JAKMIP2: variants seen among roughly 807,000 people sequenced by gnomAD.
JAKMIP2 encodes janus kinase and microtubule interacting protein 2.
Under a neutral mutation model 115.0 loss-of-function variants are expected in JAKMIP2, and 25 were observed. The ratio of observed to expected loss-of-function variants is 0.22; its 90% CI spans 0.16 to 0.30. The LOEUF (loss-of-function observed/expected upper bound fraction) is 0.30. JAKMIP2 is among the 10% of genes least tolerant of loss of function. JAKMIP2 has a pLI of 1.00. For synonymous variants in JAKMIP2, 334 were observed against 343.6 expected, an observed-to-expected ratio of 0.97 and a Z score of 0.31; for missense variants, 642 against 957.6, an observed-to-expected ratio of 0.67 and a Z score of 4.35.
Position 147,661,117 on chromosome 5 carries a change from A to G in JAKMIP2, c.458T>C (p.Leu153Ser), listed in dbSNP as rs770203335. 3.1e-6 allele frequency: 5 copies of G among 1,613,892 alleles called. No homozygotes were observed. The South Asian group carries it at 5.5e-5, about 18-fold the overall frequency. Residue 153 changes from leucine (L) to serine (S), a missense_variant, in exon 3 of 22, where the codon TTA becomes TCA. This residue lies in a region of JAKMIP2 where 439 missense variants were observed against 570.9 expected (regional missense o/e 0.77). Coordinates refer to ENST00000616793, the MANE Select transcript of JAKMIP2 (RefSeq NM_001270941.2). ...CGTTTTCAGGTCCGCAATTTCCTGT[A>G]AGAGCTTAAGGCGCTCTGTGTCAAA... is the stretch of plus-strand genomic sequence containing the variant. ...KLFDTERLKL[L>S]QEIADLKTAK... is the part of the protein sequence containing the mutation.
intron 1 of JAKMIP2, among the ~76,000 whole-genome samples, chr5:147,689,072 T>C (rs951191119): frequency 6.6e-6 from 1 of 152,116 alleles, no homozygotes; most frequent in Non-Finnish European, 1.5e-5. Context: ...AGTTGCTATT[T>C]GATTAAAGGC....
At chr5:147,689,186 G>A (rs1341646162) in intron 1 of JAKMIP2, among the ~76,000 whole-genome samples, 1 of 152,152 alleles carries the variant, frequency 6.6e-6, no homozygotes, top group African/African-American at 2.4e-5. Flanking sequence ...GAGCCGGGGA[G>A]GCTGGAGGAA....
intron 21 of JAKMIP2, among the ~76,000 whole-genome samples, chr5:147,593,387 G>T (rs569568660): frequency 4.7e-4 from 72 of 152,238 alleles, no homozygotes; most frequent in African/African-American, 1.7e-3. Flanking sequence ...ATCAAGTGTT[G>T]GTCAACAGTA....
At chr5:147,708,055 TC>T (rs1316729739) in intron 1 of JAKMIP2, among the ~76,000 whole-genome samples, 1 of 152,178 alleles carries the variant, frequency 6.6e-6, no homozygotes. Context: ...CTAAAAGATA[TC>T]CTTAGGAGAC....
At chr5:147,633,133 T>C (rs1328382844) in intron 12 of JAKMIP2, among the ~76,000 whole-genome samples, 1 of 152,232 alleles carries the variant, frequency 6.6e-6, no homozygotes, top group African/African-American at 2.4e-5. Flanking sequence ...CTGATACTTC[T>C]CATTTCTCGA....
chr5:147,652,893 G>T (rs541579682), intron 3 of JAKMIP2, among the ~76,000 whole-genome samples: 1 of 152,062 alleles, frequency 6.6e-6, no homozygotes, highest in African/African-American at 2.4e-5. Context: ...AGTGTGTGAT[G>T]TTCCCCTCCC....
In JAKMIP2 at chr5:147,703,544, A is replaced by G. The variant is rs990255404; in HGVS notation, c.-148-31590T>C. 4.6e-5 allele frequency among the ~76,000 whole-genome samples: 7 copies of G among 152,024 alleles called. No individual in the cohort carries two copies. The South Asian group carries it at 1.0e-3, about 23-fold the overall frequency. On this transcript the variant is annotated intron_variant, in intron 1 of 21. Coordinates refer to ENST00000616793, the MANE Select transcript of JAKMIP2 (RefSeq NM_001270941.2). ...AACACTTAGGCTACACTAAATTTAC[A>G]TAAAAGTTTTATTTCTTCAATAAGA...
At chr5:147,755,362 A>G (rs1393534084) in intron 1 of JAKMIP2, among the ~76,000 whole-genome samples, 1 of 152,158 alleles carries the variant, frequency 6.6e-6, no homozygotes, top group Non-Finnish European at 1.5e-5. Context: ...TCTCCCTAAA[A>G]TGAATAAAAC....
In JAKMIP2 at chr5:147,631,499, GTCTC is replaced by G; in HGVS notation, c.1785_1788del (p.Glu595AspfsTer17). ...ATTTGGAGATTAAATGGAGGGGATC[GTCTC>G]TCTCTCTCCTTGAAACACAGTGAAG... is the stretch of plus-strand genomic sequence containing the variant. On this transcript the variant is annotated frameshift_variant, in exon 14 of 22. Transcript: ENST00000616793. LOFTEE classifies it high-confidence loss of function. The G allele has an allele frequency of 1.2e-6, 2 of 1,604,598 alleles. No homozygotes were observed. Among genetic ancestry groups the G allele is most frequent in the Non-Finnish European group, 1.7e-6 (2 of 1,171,826 alleles).
chr5:147,640,663 G>C, intron 9 of JAKMIP2, 41 bp downstream of exon 9: 3 of 1,600,458 alleles, frequency 1.9e-6, no homozygotes, highest in Non-Finnish European at 2.6e-6. Flanking sequence ...CAAAGATTTG[G>C]TGACAATATC....
chr5:147,623,545 T>G, intron 17 of JAKMIP2, 76 bp downstream of exon 17: 1 of 884,184 alleles, frequency 1.1e-6, no homozygotes, highest in East Asian at 2.5e-5. Flanking sequence ...CAGATAAAAC[T>G]GGTAGAGGCA....
At chr5:147,724,192 C>A (rs1580838606) in intron 1 of JAKMIP2, among the ~76,000 whole-genome samples, 1 of 152,264 alleles carries the variant, frequency 6.6e-6, no homozygotes, top group South Asian at 2.1e-4. Context: ...ATACAAGGCA[C>A]AAGACCTTAA....
intron 1 of JAKMIP2, among the ~76,000 whole-genome samples, chr5:147,675,171 T>A (rs1369921085): frequency 1.3e-5 from 2 of 152,172 alleles, no homozygotes; most frequent in African/African-American, 2.4e-5. Flanking sequence ...TAATATTATG[T>A]GCCGGACTTT....
At chr5:147,624,291 C>G (rs1756996504) in intron 16 of JAKMIP2, among the ~76,000 whole-genome samples, 1 of 152,150 alleles carries the variant, frequency 6.6e-6, no homozygotes, top group African/African-American at 2.4e-5. Flanking sequence ...GACTCCTGCC[C>G]TTATTGGAGA....
At chr5:147,722,485 C>T (rs76716265) in intron 1 of JAKMIP2, among the ~76,000 whole-genome samples, 16,941 of 152,148 alleles carry the variant, frequency 0.11, 1,174 homozygotes, top group Middle Eastern at 0.19. Flanking sequence ...ATCTCTAAAT[C>T]TTGGAGGATT....
At chr5:147,701,322 A>T (rs1285579667) in intron 1 of JAKMIP2, among the ~76,000 whole-genome samples, 1 of 152,168 alleles carries the variant, frequency 6.6e-6, no homozygotes, top group African/African-American at 2.4e-5. Context: ...CCTTTTCCTT[A>T]CCCTCATAGT....
intron 1 of JAKMIP2, among the ~76,000 whole-genome samples, chr5:147,684,687 A>T (rs1760485519): frequency 6.6e-6 from 1 of 152,208 alleles, no homozygotes; most frequent in African/African-American, 2.4e-5. Context: ...GTGAATTTTT[A>T]CTTGGTTTAA....
At chr5:147,654,410 C>G (rs1346998728) in intron 3 of JAKMIP2, among the ~76,000 whole-genome samples, 3 of 151,958 alleles carry the variant, frequency 2.0e-5, no homozygotes, top group African/African-American at 4.8e-5. Context: ...TTGTAGCTCC[C>G]CTTGAAGAGG....
intron 1 of JAKMIP2, among the ~76,000 whole-genome samples, chr5:147,757,931 A>C (rs1274714721): frequency 6.6e-6 from 1 of 152,134 alleles, no homozygotes; most frequent in Non-Finnish European, 1.5e-5. Context: ...GGAATGTGTC[A>C]AGTACTAATA....
Sources: allele counts gnomAD v4.1 joint callset (sites outside exome capture counted in the v4.1 genomes callset), GRCh38; gene constraint gnomAD v4.1.1; regional missense constraint gnomAD v4.1.1; transcripts MANE v1.5; gene names NCBI Gene and HGNC (gene_info 2026-07-23, HGNC 2026-07-21).